The following ITPRID1 variants were observed in gnomAD, a reference collection of about 807,000 sequenced individuals.
ITPRID1 encodes the protein ITPR interacting domain containing 1, also known as protein ITPRID1.
In ITPRID1, 96 loss-of-function variants were observed where a neutral mutation model predicts 95.4. The ratio of observed to expected loss-of-function variants is 1.01; its 90% CI spans 0.85 to 1.19. The LOEUF (loss-of-function observed/expected upper bound fraction) is 1.19, where lower values mean the gene tolerates loss of function less well. ITPRID1 is among the 50% of genes most tolerant of loss of function. ITPRID1 has a pLI of 0.00. For synonymous variants in ITPRID1, 510 were observed against 453.6 expected, an observed-to-expected ratio of 1.12 and a Z score of -1.58; for missense variants, 1,339 against 1,252.9, an observed-to-expected ratio of 1.07 and a Z score of -1.04.
chr7:31,564,865 A>G (rs1291331175), intron 5 of ITPRID1, among the ~76,000 whole-genome samples: 1 of 152,132 alleles, frequency 6.6e-6, no homozygotes, highest in Non-Finnish European at 1.5e-5. Flanking sequence ...TGGCTCTTCC[A>G]AGTTTTAAGG....
chr7:31,544,112 A>G (rs1463524115), intron 1 of ITPRID1, among the ~76,000 whole-genome samples: 1 of 152,072 alleles, frequency 6.6e-6, no homozygotes, highest in East Asian at 1.9e-4. Flanking sequence ...TATTTTCAGC[A>G]CAATGTTGAA....
intron 6 of ITPRID1, 37 bp from the exon 7 acceptor site, chr7:31,572,065 T>G: frequency 2.9e-6 from 4 of 1,369,152 alleles, no homozygotes; most frequent in Non-Finnish European, 4.1e-6. Context: ...ACTATCTAAA[T>G]CAACACATCT....
At chr7:31,651,875 A>G in intron 13 of ITPRID1, 64 bp from the exon 14 acceptor site, 3 of 1,129,672 alleles carry the variant, frequency 2.7e-6, no homozygotes, top group Non-Finnish European at 3.9e-6. Flanking sequence ...TTATGAGGTG[A>G]CAATGGAAGA....
chr7:31,638,455 G>A (rs1185112756), intron 10 of ITPRID1, among the ~76,000 whole-genome samples: 2 of 152,210 alleles, frequency 1.3e-5, no homozygotes, highest in South Asian at 2.1e-4. Flanking sequence ...ATAATAACAG[G>A]TGTTTATGTT....
intron 10 of ITPRID1, among the ~76,000 whole-genome samples, chr7:31,600,779 C>T (rs771258686): frequency 6.6e-6 from 1 of 152,096 alleles, no homozygotes; most frequent in South Asian, 2.1e-4. Context: ...TCATACTTCA[C>T]CATTTTTGTC....
At chr7:31,555,706 G>T (rs1369677550) in intron 5 of ITPRID1, among the ~76,000 whole-genome samples, 1 of 152,104 alleles carries the variant, frequency 6.6e-6, no homozygotes, top group Non-Finnish European at 1.5e-5. Context: ...GAACTTAATG[G>T]TTAGATGAAA....
At chr7:31,651,486 A>G (rs895666509) in intron 13 of ITPRID1, among the ~76,000 whole-genome samples, 1 of 152,100 alleles carries the variant, frequency 6.6e-6, no homozygotes, top group Non-Finnish European at 1.5e-5. Context: ...AGGTCAAAAG[A>G]CAGGCAGTCA....
chr7:31,626,745 G>C (rs1788505091), intron 10 of ITPRID1, among the ~76,000 whole-genome samples: 1 of 152,124 alleles, frequency 6.6e-6, no homozygotes, highest in African/African-American at 2.4e-5. Context: ...CTTTATAAGG[G>C]CTACTACTAC....
intron 10 of ITPRID1, among the ~76,000 whole-genome samples, chr7:31,628,201 C>G (rs1312953085): frequency 6.6e-6 from 1 of 152,310 alleles, no homozygotes; most frequent in East Asian, 1.9e-4. Flanking sequence ...AATCCATGTT[C>G]TTTCTTCTGC....
Position 31,654,084 on chromosome 7 carries a change from A to G in ITPRID1, c.*1255A>G, listed in dbSNP as rs537843114. ...AAAAAAAAAAAAAACCAACAAGCAA[A>G]TAATTACAATCCTGAAAAGAGCCTC... is the stretch of plus-strand genomic sequence containing the variant. On this transcript the variant is annotated 3_prime_UTR_variant, in exon 15 of 15. Transcript: ENST00000615280. 7.6e-4 allele frequency among the ~76,000 whole-genome samples: 116 copies of G among 152,034 alleles called. No homozygotes were observed. The highest frequency in any genetic ancestry group is 2.0e-3 in the Admixed American group (30 of 15,272).
At position 31,519,620 on chromosome 7, in the gene ITPRID1, C is replaced by CTCTATATATA; in HGVS notation, c.-98+5501_-98+5502insCTATATATAT. On this transcript the variant is annotated intron_variant, in intron 1 of 14. Transcript: ENST00000615280. ...TCTCTCTCTCTCTCTCTCTCTCTCTCTATATATATATATATATATATATAT... is the reference window on the plus strand; with the variant it reads ...TCTCTCTCTCTCTCTCTCTCTCTCTCTCTATATATATATATATATATATATATATATATAT... 2.1e-3 allele frequency among the ~76,000 whole-genome samples: 52 copies of CTCTATATATA among 25,254 alleles called. 1 individual carries two copies. The highest frequency in any genetic ancestry group is 4.1e-3 in the Admixed American group (7 of 1,696). The allele number at this position is 25,254 out of a possible 152,430, so 16.6% of individuals were successfully genotyped here.
chr7:31,630,244 CA>C (rs71557496), intron 10 of ITPRID1, among the ~76,000 whole-genome samples: 19 of 103,670 alleles, frequency 1.8e-4, no homozygotes, highest in South Asian at 1.1e-3. Flanking sequence ...GTCTACTTGG[CA>C]AAAAAAAAAA....
chr7:31,561,679 C>A (rs758781762), intron 5 of ITPRID1, among the ~76,000 whole-genome samples: 1 of 152,310 alleles, frequency 6.6e-6, no homozygotes, highest in South Asian at 2.1e-4. Flanking sequence ...ATCTTAGCTG[C>A]GTGGCCTGAC....
chr7:31,647,801 A>T (rs1291715219), intron 12 of ITPRID1, among the ~76,000 whole-genome samples: 1 of 152,134 alleles, frequency 6.6e-6, no homozygotes, highest in East Asian at 1.9e-4. Flanking sequence ...AGACTCAAAA[A>T]CATCATTATC....
intron 1 of ITPRID1, among the ~76,000 whole-genome samples, chr7:31,526,356 A>T (rs1234152659): frequency 2.0e-5 from 3 of 152,162 alleles, no homozygotes; most frequent in Non-Finnish European, 2.9e-5. Flanking sequence ...GTACTTTTTG[A>T]GCTCTAGGAG....
chr7:31,610,837 CT>C, intron 10 of ITPRID1, among the ~76,000 whole-genome samples: 1 of 151,288 alleles, frequency 6.6e-6, no homozygotes, highest in East Asian at 1.9e-4. Context: ...TACTTGGAAC[CT>C]ATGTGTTTTT....
chr7:31,561,164 A>C (rs564703277), intron 5 of ITPRID1, among the ~76,000 whole-genome samples: 1 of 152,306 alleles, frequency 6.6e-6, no homozygotes, highest in Admixed American at 6.5e-5. Context: ...TTCAAGTGGG[A>C]ATGATAGTAG....
chr7:31,514,177 T>C (rs1583445440), intron 1 of ITPRID1, 57 bp downstream of exon 1: 1 of 152,174 alleles, frequency 6.6e-6, no homozygotes, highest in Non-Finnish European at 1.5e-5. Context: ...GGGATAAACA[T>C]TGCTTGTCCC....
intron 1 of ITPRID1, among the ~76,000 whole-genome samples, chr7:31,535,994 C>A (rs1182139027): frequency 6.6e-6 from 1 of 152,020 alleles, no homozygotes; most frequent in East Asian, 1.9e-4. Context: ...TACTGAGCAT[C>A]CTGGATCTGT....
Sources: gnomAD v4.1 joint callset for allele counts (sites outside exome capture counted in the v4.1 genomes callset) on GRCh38, gnomAD v4.1.1 for gene constraint, MANE v1.5 for transcripts, NCBI Gene and HGNC (gene_info 2026-07-23, HGNC 2026-07-21) for gene names.